The following AAAS variants were observed in gnomAD, a reference collection of about 807,000 sequenced individuals.
The protein encoded by AAAS is aladin.
In AAAS, 60 loss-of-function variants were observed where a neutral mutation model predicts 75.6. The ratio of observed to expected loss-of-function variants is 0.79; its 90% CI spans 0.64 to 0.98. AAAS has a LOEUF of 0.98. Ranked by LOEUF, AAAS falls within the 50% of genes least tolerant of loss-of-function variation. The pLI is 0.00. For missense variants in AAAS, 658 were observed against 686.9 expected (o/e 0.96, Z 0.47); for synonymous variants, 271 against 265.0 (o/e 1.02, Z -0.22).
At position 53,308,709 on chromosome 12, in the gene AAAS, T is replaced by G. The variant is rs771090015; in HGVS notation, c.1087+16A>C. The G allele has an allele frequency of 8.7e-6, 14 of 1,613,890 alleles. No homozygotes were observed. The South Asian group carries it at 1.5e-4, about 18-fold the overall frequency. Reference sequence around the variant, plus strand: ...CCTCTGACCACCCCAAATACTGAAGTGTTGCCCTAACTCACCACAACGTTC... The same window carrying G: ...CCTCTGACCACCCCAAATACTGAAGGGTTGCCCTAACTCACCACAACGTTC... On this transcript the variant is annotated intron_variant, in intron 11 of 15. Coordinates refer to ENST00000209873, the MANE Select transcript of AAAS (RefSeq NM_015665.6).
chr12:53,313,227 G>T (rs1269092220), intron 7 of AAAS, among the ~76,000 whole-genome samples: 1 of 140,638 alleles, frequency 7.1e-6, no homozygotes, highest in African/African-American at 2.7e-5. Flanking sequence ...GTAGTGGCAT[G>T]ATGTCAACTC....
In AAAS at chr12:53,321,111, T is replaced by C. The variant is rs1039412953; in HGVS notation, c.123+232A>G. On this transcript the variant is annotated intron_variant, in intron 1 of 15. Coordinates refer to ENST00000209873, the MANE Select transcript of AAAS (RefSeq NM_015665.6). The stretch of plus-strand genomic sequence containing the variant: ...ATCCTCACACTCCCTAGATTCTCCC[T>C]CATTCTCTCCATTCCCTCTAGGCCT... The C allele has an allele frequency of 1.4e-5, 9 of 638,320 alleles. No individual in the cohort carries two copies. In the African/African-American group the frequency reaches 1.6e-4, roughly 12 times the overall value. The allele number at this position is 638,320 out of a possible 1,614,324, so 39.5% of individuals were successfully genotyped here. A position where few individuals can be genotyped will look rare whatever the true frequency, so the allele number is the denominator to read the frequency against.
At chr12:53,308,392 C>T (rs769269336) in intron 12 of AAAS, 43 bp from the exon 13 acceptor site, 2 of 1,614,006 alleles carry the variant, frequency 1.2e-6, no homozygotes, top group Non-Finnish European at 8.5e-7. Context: ...TGTGGTCCCT[C>T]CCACCTGCTT....
intron 1 of AAAS, 197 bp downstream of exon 1, chr12:53,321,146 C>G (rs921000651): frequency 2.7e-5 from 21 of 785,232 alleles, no homozygotes; most frequent in African/African-American, 3.5e-5. Flanking sequence ...TCCTCCACAG[C>G]TCCTTAACCG....
chr12:53,311,801 C>A (rs886495432), intron 7 of AAAS, among the ~76,000 whole-genome samples: 5 of 152,088 alleles, frequency 3.3e-5, no homozygotes, highest in African/African-American at 1.2e-4. Flanking sequence ...GTAGTCCCAG[C>A]TACTTGGGAG....
chr12:53,314,190 G>A, intron 7 of AAAS, 108 bp downstream of exon 7: 1 of 1,474,288 alleles, frequency 6.8e-7, no homozygotes, highest in Non-Finnish European at 9.5e-7. Flanking sequence ...ATAGCCCTGG[G>A]AAGTGCTGTG....
intron 7 of AAAS, among the ~76,000 whole-genome samples, chr12:53,311,247 T>A (rs1263758796): frequency 6.6e-6 from 1 of 152,146 alleles, no homozygotes; most frequent in Non-Finnish European, 1.5e-5. Context: ...CCTGGCCTTG[T>A]TTTTTGTTCA....
At chr12:53,312,834 A>ATATG (rs1555190628) in intron 7 of AAAS, among the ~76,000 whole-genome samples, 7 of 144,092 alleles carry the variant, frequency 4.9e-5, no homozygotes, top group African/African-American at 1.8e-4. Flanking sequence ...TAAAACATAT[A>ATATG]TGTGTGTGTG....
intron 9 of AAAS, 68 bp downstream of exon 9, chr12:53,309,089 A>C (rs1424782744): frequency 7.4e-6 from 12 of 1,614,080 alleles, no homozygotes; most frequent in Non-Finnish European, 9.3e-6. Flanking sequence ...ACCTCCCTTG[A>C]CAGAGCTTCC....
In AAAS at chr12:53,321,416, G is replaced by T; in HGVS notation, c.50C>A (p.Thr17Asn). 1 of 1,614,260 alleles carries T rather than the reference G, an allele frequency of 6.2e-7. No homozygotes were observed. Among genetic ancestry groups the T allele is most frequent in the Admixed American group, 1.7e-5 (1 of 60,034 alleles). ...FPPPPPRGQV[T>N]LYEHNNELVT... is the part of the protein sequence containing the mutation. ...CAGCTCGTTATTGTGCTCATATAGG[G>T]TGACTTGACCCCGAGGCGGTGGAGG... The change falls in exon 1 of 16, where the codon ACC (threonine) becomes AAC (asparagine). Residue 17 changes from threonine to asparagine, a missense_variant. Physicochemically the swap from Thr to Asn is moderately conservative, Grantham distance 65. Coordinates refer to ENST00000209873, the MANE Select transcript of AAAS (RefSeq NM_015665.6).
rs529585924 is a variant in AAAS at position 53,310,670 on chromosome 12, C to G, written c.690-949G>C. 7.9e-5 allele frequency among the ~76,000 whole-genome samples: 12 copies of G among 152,326 alleles called. No homozygotes were observed. The South Asian group carries it at 2.5e-3, about 32-fold the overall frequency. On this transcript the variant is annotated intron_variant, in intron 7 of 15. Transcript: ENST00000209873. ...AGCTGTGTATTTCCAGAGCCATGTGCCTGGCCTGACAGACGAAGGCTACTA... is the reference window on the plus strand; with the variant it reads ...AGCTGTGTATTTCCAGAGCCATGTGGCTGGCCTGACAGACGAAGGCTACTA...
chr12:53,307,586 A>G lies in AAAS; in HGVS notation c.1544T>C (p.Leu515Pro). The G allele has an allele frequency of 3.1e-6, 5 of 1,614,202 alleles. No individual in the cohort carries two copies. The highest frequency in any genetic ancestry group is 4.2e-6 in the Non-Finnish European group (5 of 1,179,994). The change falls in exon 16 of 16, where the codon CTG (leucine) becomes CCG (proline). Residue 515 changes from leucine to proline, a missense_variant. By Grantham distance (98) the Leu-to-Pro change is moderately conservative (BLOSUM62 -3). Transcript: ENST00000209873. ...PAGGGGSIHD[L>P]PLFTETSPTS... ...TGGGGATGTCTCAGTAAAGAGGGGC[A>G]GGTCATGAATAGAGCCTCCACCCCC...
In AAAS at chr12:53,320,711, G is replaced by A. The variant is rs757577669; in HGVS notation, c.124-19C>T. The A allele has an allele frequency of 1.5e-5, 25 of 1,613,168 alleles. No individual in the cohort carries two copies. Among genetic ancestry groups the A allele is most frequent in the Non-Finnish European group, 2.0e-5 (23 of 1,179,322 alleles). On this transcript the variant is annotated intron_variant, in intron 1 of 15. Coordinates refer to ENST00000209873, the MANE Select transcript of AAAS (RefSeq NM_015665.6). ...TGATCCACTATAGCACAAAAGTGAG[G>A]AGTGTGACGGTGATTCAGTCTCTTC... is the stretch of plus-strand genomic sequence containing the variant.
chr12:53,317,991 T>C (rs910816133), intron 2 of AAAS, among the ~76,000 whole-genome samples: 1 of 152,156 alleles, frequency 6.6e-6, no homozygotes, highest in Non-Finnish European at 1.5e-5. Context: ...AATCAAGCCA[T>C]TATGACAATC....
intron 7 of AAAS, among the ~76,000 whole-genome samples, chr12:53,314,073 C>T (rs868468036): frequency 1.3e-5 from 2 of 152,056 alleles, no homozygotes; most frequent in South Asian, 4.1e-4. Flanking sequence ...CTTTCCACCC[C>T]GTAACCCACA....
intron 1 of AAAS, 173 bp downstream of exon 1, chr12:53,321,170 C>T (rs1350401953): frequency 3.9e-6 from 4 of 1,015,538 alleles, no homozygotes; most frequent in Non-Finnish European, 4.2e-6. Flanking sequence ...CCCCGTTATA[C>T]TCCAATCCCA....
At chr12:53,315,555 C>T in intron 3 of AAAS, 129 bp from the exon 4 acceptor site, 1 of 1,172,234 alleles carries the variant, frequency 8.5e-7, no homozygotes, top group Non-Finnish European at 1.2e-6. Flanking sequence ...CTCAACACCA[C>T]ACTCTGGACA....
chr12:53,315,215 TG>T (rs1386306266), intron 4 of AAAS, 75 bp from the exon 5 acceptor site: 2 of 1,599,768 alleles, frequency 1.3e-6, no homozygotes, highest in South Asian at 2.2e-5. Context: ...ACAGGGGAGC[TG>T]GACCACTCCT....
At chr12:53,314,981 ATGAGAATATGG>A in intron 5 of AAAS, 102 bp downstream of exon 5, 1 of 1,483,838 alleles carries the variant, frequency 6.7e-7, no homozygotes, top group South Asian at 1.1e-5. Context: ...AACAGGAGGA[ATGAGAATATGG>A]TGAGCAATCA....
Sources: gnomAD v4.1 joint callset for allele counts (sites outside exome capture counted in the v4.1 genomes callset) on GRCh38, gnomAD v4.1.1 for gene constraint, MANE v1.5 for transcripts, NCBI Gene and HGNC (gene_info 2026-07-23, HGNC 2026-07-21) for gene names.